The following GRIA4 variants were observed in gnomAD, a reference collection of about 807,000 sequenced individuals.
GRIA4 encodes glutamate receptor 4.
Under a neutral mutation model 104.0 loss-of-function variants are expected in GRIA4, and 34 were observed. That is an observed-to-expected ratio of 0.33 (90% CI 0.25 to 0.44). The LOEUF is 0.44. Among genes scored for constraint, GRIA4 ranks in the 20% least tolerant of loss-of-function variants. GRIA4 has a pLI of 1.00. For synonymous variants in GRIA4, 386 were observed against 381.9 expected (o/e 1.01, Z -0.13); for missense variants, 750 against 1,096.5 (o/e 0.68, Z 4.46).
chr11:105,847,690 G>A (rs1208840589), intron 4 of GRIA4, among the ~76,000 whole-genome samples: 1 of 152,094 alleles, frequency 6.6e-6, no homozygotes, highest in African/African-American at 2.4e-5. Flanking sequence ...GTTATTTTTA[G>A]ACAAAGCTAG....
intron 4 of GRIA4, among the ~76,000 whole-genome samples, chr11:105,842,483 C>T (rs1052356680): frequency 5.9e-5 from 9 of 152,058 alleles, no homozygotes; most frequent in Non-Finnish European, 1.0e-4. Context: ...ACAACAGCAG[C>T]GAAGCTATTG....
intron 4 of GRIA4, among the ~76,000 whole-genome samples, chr11:105,803,237 G>C (rs932872875): frequency 6.6e-6 from 1 of 151,846 alleles, no homozygotes; most frequent in African/African-American, 2.4e-5. Context: ...CTTATATATA[G>C]TATCTCTGTT....
chr11:105,752,703 T>A (rs1023792257), intron 3 of GRIA4, among the ~76,000 whole-genome samples: 1 of 152,174 alleles, frequency 6.6e-6, no homozygotes, highest in Non-Finnish European at 1.5e-5. Context: ...CATATTTTTT[T>A]TATTTTAGTC....
chr11:105,673,835 T>C (rs1484667289), intron 3 of GRIA4, among the ~76,000 whole-genome samples: 2 of 152,056 alleles, frequency 1.3e-5, no homozygotes, highest in Admixed American at 1.3e-4. Flanking sequence ...ATATCTATTA[T>C]ACTTAGAAAT....
chr11:105,804,680 C>T (rs1240357230), intron 4 of GRIA4, among the ~76,000 whole-genome samples: 3 of 151,906 alleles, frequency 2.0e-5, no homozygotes, highest in East Asian at 1.9e-4. Context: ...GATGATTGCA[C>T]AATTTTAAAA....
chr11:105,962,376 A>G (rs1440070424), intron 14 of GRIA4, among the ~76,000 whole-genome samples: 3 of 152,182 alleles, frequency 2.0e-5, no homozygotes, highest in Non-Finnish European at 4.4e-5. Context: ...TAATAAATGG[A>G]AAAAATTTAC....
At chr11:105,702,441 A>G (rs535821484) in intron 3 of GRIA4, among the ~76,000 whole-genome samples, 1 of 152,110 alleles carries the variant, frequency 6.6e-6, no homozygotes, top group South Asian at 2.1e-4. Flanking sequence ...AGAAAACCAA[A>G]TAAAATAAAA....
intron 14 of GRIA4, among the ~76,000 whole-genome samples, chr11:105,958,297 G>A (rs527650164): frequency 3.9e-5 from 6 of 152,220 alleles, no homozygotes; most frequent in East Asian, 1.9e-4. Flanking sequence ...TCAATACCTA[G>A]TTTATTGAGA....
At position 105,659,114 on chromosome 11, in the gene GRIA4, G is replaced by A. The variant is rs568402051; in HGVS notation, c.247+46680G>A. 5.3e-5 allele frequency among the ~76,000 whole-genome samples: 8 copies of A among 152,108 alleles called. No homozygotes were observed. In the East Asian group the frequency reaches 1.4e-3, roughly 26 times the overall value. ...GGAAACTCATGAAACAGAAATACCT[G>A]AGGGTTCCAGTGCATTAGTTGCTTC... On this transcript the variant is annotated intron_variant, in intron 3 of 16. Coordinates refer to ENST00000282499, the MANE Select transcript of GRIA4 (RefSeq NM_000829.4).
intron 4 of GRIA4, among the ~76,000 whole-genome samples, chr11:105,773,445 C>T (rs186104951): frequency 3.3e-5 from 5 of 152,040 alleles, no homozygotes; most frequent in Admixed American, 3.3e-4. Flanking sequence ...AATGTTTATC[C>T]ATGAACTAAT....
chr11:105,702,906 A>T (rs1348011406), intron 3 of GRIA4, among the ~76,000 whole-genome samples: 1 of 151,682 alleles, frequency 6.6e-6, no homozygotes, highest in African/African-American at 2.4e-5. Flanking sequence ...TGTTGGCCAG[A>T]CTGGGCTGGA....
chr11:105,978,846 T>G (rs568157594), intron 16 of GRIA4, among the ~76,000 whole-genome samples: 2 of 152,324 alleles, frequency 1.3e-5, no homozygotes, highest in African/African-American at 4.8e-5. Flanking sequence ...CTATGTAATG[T>G]GATAAGGAGC....
At chr11:105,735,744 T>C (rs1938896367) in intron 3 of GRIA4, among the ~76,000 whole-genome samples, 1 of 152,176 alleles carries the variant, frequency 6.6e-6, no homozygotes, top group South Asian at 2.1e-4. Flanking sequence ...TCCATCTAGA[T>C]AGTCTCTAAA....
Position 105,911,656 on chromosome 11 carries a change from A to G in GRIA4, c.1269+1111A>G, listed in dbSNP as rs914465668. On this transcript the variant is annotated intron_variant, in intron 10 of 16. Transcript: ENST00000282499. ...TGTTGCATCACCAGTCAGTAATTTA[A>G]TGTAATCTGACAAGCCTTCAGCAGA... Among the ~76,000 whole-genome samples, 3 of 150,838 alleles carry G rather than the reference A, an allele frequency of 2.0e-5. No homozygotes were observed. In the East Asian group the frequency reaches 5.8e-4, roughly 29 times the overall value.
chr11:105,614,314 T>C (rs916616877), intron 3 of GRIA4: 1 of 151,982 alleles, frequency 6.6e-6, no homozygotes, highest in South Asian at 2.1e-4. Flanking sequence ...TAATGTAAAC[T>C]ATATGAGGCT....
chr11:105,709,554 A>T (rs1053019000), intron 3 of GRIA4, among the ~76,000 whole-genome samples: 1 of 152,176 alleles, frequency 6.6e-6, no homozygotes, highest in Non-Finnish European at 1.5e-5. Context: ...AACCTGGTGG[A>T]CACCATCTTA....
intron 6 of GRIA4, among the ~76,000 whole-genome samples, chr11:105,890,668 C>A (rs751340743): frequency 3.3e-5 from 5 of 152,160 alleles, no homozygotes; most frequent in Non-Finnish European, 7.4e-5. Flanking sequence ...GAAATCCTTT[C>A]CCTTAATACT....
chr11:105,780,317 G>A (rs1941670382), intron 4 of GRIA4, among the ~76,000 whole-genome samples: 1 of 152,148 alleles, frequency 6.6e-6, no homozygotes, highest in African/African-American at 2.4e-5. Context: ...AGGACCCTGA[G>A]TATCTAATAA....
At chr11:105,662,084 G>A (rs1952030375) in intron 3 of GRIA4, among the ~76,000 whole-genome samples, 1 of 151,548 alleles carries the variant, frequency 6.6e-6, no homozygotes, top group South Asian at 2.1e-4. Context: ...GTAAATGAAT[G>A]CAATGTGGCA....
Sources: gnomAD v4.1 joint callset for allele counts (sites outside exome capture counted in the v4.1 genomes callset) on GRCh38, gnomAD v4.1.1 for gene constraint, MANE v1.5 for transcripts, NCBI Gene and HGNC (gene_info 2026-07-23, HGNC 2026-07-21) for gene names.